Variants in AFF2 observed in about 807,000 individuals in gnomAD.
AFF2 encodes ALF transcription elongation factor 2.
AFF2 carries 14 observed loss-of-function variants against 76.9 expected under a neutral mutation model. The ratio of observed to expected loss-of-function variants is 0.18; its 90% confidence interval spans 0.12 to 0.28. The LOEUF (loss-of-function observed/expected upper bound fraction) is 0.28. Among genes scored for constraint, AFF2 ranks in the 10% least tolerant of loss-of-function variants. The pLI is 1.00. For synonymous variants in AFF2, 398 were observed against 366.7 expected (o/e 1.09, Z -0.98); for missense variants, 868 against 1,001.1 (o/e 0.87, Z 1.79).
intron 8 of AFF2, among the ~76,000 whole-genome samples, chrX:148,891,532 C>T (rs782283588): frequency 7.2e-5 from 8 of 111,796 alleles, no homozygotes; most frequent in Non-Finnish European, 1.3e-4. Flanking sequence ...TTAAACTATC[C>T]GCAATTTGAC....
At chrX:148,983,965 A>AAAAAAAAAAAAAAAC (rs1438744109) in intron 19 of AFF2, among the ~76,000 whole-genome samples, 1 of 99,781 alleles carries the variant, frequency 1.0e-5, no homozygotes, top group African/African-American at 3.9e-5. Context: ...AAAAAAAAAA[A>AAAAAAAAAAAAAAAC]AAACTGCCCT....
At chrX:148,531,337 T>G (rs1304073865) in intron 1 of AFF2, among the ~76,000 whole-genome samples, 2 of 111,986 alleles carry the variant, frequency 1.8e-5, no homozygotes, top group African/African-American at 6.5e-5. Context: ...AGGTACAAGG[T>G]AAAGGGCAGG....
intron 3 of AFF2, among the ~76,000 whole-genome samples, chrX:148,781,107 T>A (rs1459726299): frequency 8.9e-6 from 1 of 112,111 alleles, no homozygotes; most frequent in Non-Finnish European, 1.9e-5. Context: ...TGCTGCCCGT[T>A]CCTTCCTCTG....
intron 1 of AFF2, among the ~76,000 whole-genome samples, chrX:148,562,067 G>A (rs1480824571): frequency 3.6e-5 from 4 of 112,119 alleles, no homozygotes; most frequent in South Asian, 3.7e-4. Context: ...ATGGGAAAAT[G>A]TTAATGAAAG....
At chrX:148,565,309 T>TA (rs1162704954) in intron 1 of AFF2, among the ~76,000 whole-genome samples, 3 of 111,135 alleles carry the variant, frequency 2.7e-5, no homozygotes, top group Non-Finnish European at 5.7e-5. Flanking sequence ...CTTAGGTTGT[T>TA]AAAAAAAACT....
chrX:148,682,512 C>T lies in AFF2; in HGVS notation c.1041+19744C>T, dbSNP rs782283465. The stretch of plus-strand genomic sequence containing the variant: ...GCAAAATGCAGGAACTAGAGAACAG[C>T]GATGAGGTGTTTTTGGAGACTAGGC... On this transcript the variant is annotated intron_variant, in intron 3 of 20. Transcript: ENST00000370460. Among the ~76,000 whole-genome samples, 4 of 110,666 alleles carry T rather than the reference C, an allele frequency of 3.6e-5. No individual in the cohort carries two copies. The South Asian group carries it at 1.5e-3, about 42-fold the overall frequency.
At chrX:148,611,424 T>C (rs1004148912) in intron 1 of AFF2, among the ~76,000 whole-genome samples, 1 of 112,154 alleles carries the variant, frequency 8.9e-6, no homozygotes, top group Non-Finnish European at 1.9e-5. Context: ...TAACAAATCA[T>C]CACACACTTA....
intron 1 of AFF2, among the ~76,000 whole-genome samples, chrX:148,594,369 G>T (rs951880558): frequency 2.7e-5 from 3 of 112,071 alleles, no homozygotes. Flanking sequence ...GTAACATCAG[G>T]CACATAATTC....
chrX:148,586,511 A>T (rs2053471156), intron 1 of AFF2, among the ~76,000 whole-genome samples: 1 of 111,760 alleles, frequency 8.9e-6, no homozygotes, highest in Non-Finnish European at 1.9e-5. Context: ...GTGTTTTAGT[A>T]AACCTATGGA....
intron 3 of AFF2, among the ~76,000 whole-genome samples, chrX:148,805,845 C>A (rs1255255913): frequency 8.9e-6 from 1 of 112,519 alleles, no homozygotes; most frequent in Non-Finnish European, 1.9e-5. Context: ...TTCCCTGGCC[C>A]TCAGAGGACC....
At chrX:148,626,187 C>T (rs182429983) in intron 1 of AFF2, among the ~76,000 whole-genome samples, 79 of 110,846 alleles carry the variant, frequency 7.1e-4, no homozygotes, top group Admixed American at 2.6e-3. Flanking sequence ...ACATGGATGT[C>T]GGGTGGTATT....
intron 2 of AFF2, among the ~76,000 whole-genome samples, chrX:148,660,501 G>A (rs990200544): frequency 2.7e-5 from 3 of 112,055 alleles, no homozygotes; most frequent in East Asian, 2.8e-4. Context: ...AGATGCTAGC[G>A]CTGGATAGGT....
chrX:148,853,606 C>G (rs1233082839), intron 7 of AFF2, among the ~76,000 whole-genome samples: 1 of 111,848 alleles, frequency 8.9e-6, no homozygotes, highest in East Asian at 2.8e-4. Flanking sequence ...GTGAGGCGTC[C>G]CAGCTCACAC....
intron 1 of AFF2, among the ~76,000 whole-genome samples, chrX:148,600,312 A>G (rs2053614139): frequency 9.0e-6 from 1 of 111,541 alleles, no homozygotes; most frequent in Admixed American, 9.5e-5. Flanking sequence ...CAGCTTGGCG[A>G]GACAGATGGA....
intron 3 of AFF2, among the ~76,000 whole-genome samples, chrX:148,729,959 T>A (rs1402623883): frequency 8.9e-6 from 1 of 111,858 alleles, no homozygotes; most frequent in Non-Finnish European, 1.9e-5. Flanking sequence ...CCAATGGTAA[T>A]TACCTCATAG....
intron 7 of AFF2, among the ~76,000 whole-genome samples, chrX:148,885,300 A>T (rs1569556575): frequency 8.9e-6 from 1 of 111,786 alleles, no homozygotes; most frequent in Non-Finnish European, 1.9e-5. Flanking sequence ...CATCTCTCAG[A>T]TCAAATTTTA....
At chrX:148,738,334 G>A (rs2055310305) in intron 3 of AFF2, among the ~76,000 whole-genome samples, 1 of 110,820 alleles carries the variant, frequency 9.0e-6, no homozygotes. Flanking sequence ...AATACTTCCT[G>A]ATTTAAGCTA....
intron 3 of AFF2, among the ~76,000 whole-genome samples, chrX:148,780,389 A>T (rs781841832): frequency 8.9e-6 from 1 of 112,029 alleles, no homozygotes; most frequent in East Asian, 2.8e-4. Flanking sequence ...TACATCAATC[A>T]AACGTCCGTT....
At chrX:148,945,722 C>CT (rs1557286025) in intron 9 of AFF2, among the ~76,000 whole-genome samples, 19 of 112,342 alleles carry the variant, frequency 1.7e-4, no homozygotes, top group Middle Eastern at 4.6e-3. Flanking sequence ...CTCTTAAAAA[C>CT]CTATGTGATA....
Sources: allele counts gnomAD v4.1 joint callset (sites outside exome capture counted in the v4.1 genomes callset), GRCh38; gene constraint gnomAD v4.1.1; transcripts MANE v1.5; gene names NCBI Gene and HGNC (gene_info 2026-07-23, HGNC 2026-07-21).